Variants in ZCCHC17 observed in about 807,000 individuals in gnomAD.
ZCCHC17 encodes the protein zinc finger CCHC-type containing 17, also known as zinc finger CCHC domain-containing protein 17.
Under a neutral mutation model 30.6 loss-of-function variants are expected in ZCCHC17, and 18 were observed. The ratio of observed to expected loss-of-function variants is 0.59; its 90% CI spans 0.41 to 0.87. The LOEUF is 0.87. Among genes scored for constraint, ZCCHC17 ranks in the 40% least tolerant of loss-of-function variants. The probability of loss-of-function intolerance (pLI) is 0.00; values close to 1 mark genes in which losing one functional copy is unlikely to be tolerated. For missense variants in ZCCHC17, 263 were observed against 284.2 expected (o/e 0.93, Z 0.54); for synonymous variants, 88 against 92.4 (o/e 0.95, Z 0.27).
At chr1:31,353,403 A>C (rs2148475232) in intron 7 of ZCCHC17, among the ~76,000 whole-genome samples, 1 of 152,286 alleles carries the variant, frequency 6.6e-6, no homozygotes, top group East Asian at 1.9e-4. Context: ...AACATATAAC[A>C]TTTACCATCT....
intron 2 of ZCCHC17, chr1:31,318,152 C>T: frequency 6.5e-7 from 1 of 1,530,060 alleles, no homozygotes; most frequent in South Asian, 1.2e-5. Context: ...GTTTTATTTA[C>T]TCCCCTTGTT....
At chr1:31,313,485 G>A (rs909502196) in intron 2 of ZCCHC17, among the ~76,000 whole-genome samples, 1 of 152,230 alleles carries the variant, frequency 6.6e-6, no homozygotes, top group African/African-American at 2.4e-5. Context: ...AGGTCTTGGA[G>A]GGCAGACTTT....
intron 1 of ZCCHC17, among the ~76,000 whole-genome samples, chr1:31,302,488 A>G (rs1646340806): frequency 6.6e-6 from 1 of 152,208 alleles, no homozygotes; most frequent in Non-Finnish European, 1.5e-5. Context: ...GACGTTGCTC[A>G]TCCTAGCTCT....
At chr1:31,309,083 G>A (rs1385086140) in intron 1 of ZCCHC17, among the ~76,000 whole-genome samples, 1 of 151,888 alleles carries the variant, frequency 6.6e-6, no homozygotes, top group Admixed American at 6.6e-5. Context: ...AACTTTCACA[G>A]TGTGTATGTG....
intron 3 of ZCCHC17, among the ~76,000 whole-genome samples, chr1:31,330,105 T>C (rs1406609803): frequency 6.6e-6 from 1 of 152,216 alleles, no homozygotes; most frequent in African/African-American, 2.4e-5. Context: ...CCTTTTGTTT[T>C]GACATTTTTT....
At chr1:31,308,278 A>G (rs1047981006) in intron 1 of ZCCHC17, among the ~76,000 whole-genome samples, 2 of 152,252 alleles carry the variant, frequency 1.3e-5, no homozygotes, top group African/African-American at 4.8e-5. Flanking sequence ...CAAGTTTAGT[A>G]TAAGGATATA....
In ZCCHC17 at chr1:31,364,105, G is replaced by C; in HGVS notation, c.638G>C (p.Gly213Ala). 1 of 1,613,836 alleles carries C rather than the reference G, an allele frequency of 6.2e-7. No individual in the cohort carries two copies. The highest frequency in any genetic ancestry group is 8.5e-7 in the Non-Finnish European group (1 of 1,179,856). ...SDSSDSESDT[G>A]KRARHTSKDS... ...AGCTCAGACTCTGAGAGTGATACAG[G>C]CAAGAGGGCAAGGCACACATCAAAA... Residue 213 changes from glycine (G) to alanine (A), a missense_variant, in exon 8 of 8, where the codon GGC (glycine) becomes GCC (alanine). Gly to Ala is a moderately conservative substitution (Grantham distance 60). Transcript: ENST00000344147.
chr1:31,356,185 T>C (rs1361403455), intron 7 of ZCCHC17, among the ~76,000 whole-genome samples: 2 of 152,152 alleles, frequency 1.3e-5, no homozygotes, highest in African/African-American at 4.8e-5. Flanking sequence ...CGGCTAATCA[T>C]ATAAGGAGAA....
intron 2 of ZCCHC17, among the ~76,000 whole-genome samples, chr1:31,310,927 T>C (rs1452880026): frequency 2.0e-5 from 3 of 152,216 alleles, no homozygotes; most frequent in Admixed American, 2.0e-4. Context: ...GTCCTAATTA[T>C]ATCTCTGGTC....
chr1:31,300,801 T>C (rs1211210383), intron 1 of ZCCHC17, among the ~76,000 whole-genome samples: 4 of 151,794 alleles, frequency 2.6e-5, no homozygotes, highest in Non-Finnish European at 5.9e-5. Context: ...CTGGGCATGG[T>C]GGTGTGTGCC....
chr1:31,359,795 T>C (rs1639796820), intron 7 of ZCCHC17, among the ~76,000 whole-genome samples: 1 of 152,164 alleles, frequency 6.6e-6, no homozygotes, highest in African/African-American at 2.4e-5. Context: ...TCCTATGCCA[T>C]TTAAAAACTG....
chr1:31,297,369 C>G (rs1419536716), intron 1 of ZCCHC17, among the ~76,000 whole-genome samples: 1 of 152,232 alleles, frequency 6.6e-6, no homozygotes, highest in South Asian at 2.1e-4. Flanking sequence ...GTCCCAGCCT[C>G]CTCCGGTGCC....
At chr1:31,328,513 T>C (rs536458338) in intron 3 of ZCCHC17, among the ~76,000 whole-genome samples, 1 of 151,544 alleles carries the variant, frequency 6.6e-6, no homozygotes, top group South Asian at 2.1e-4. Flanking sequence ...GTCTCAAAAA[T>C]AAATAAATAA....
chr1:31,321,287 G>A (rs1386182668), intron 3 of ZCCHC17, among the ~76,000 whole-genome samples: 2 of 151,888 alleles, frequency 1.3e-5, no homozygotes, highest in East Asian at 1.9e-4. Flanking sequence ...ACCATCATTC[G>A]CTGGGCACTT....
intron 7 of ZCCHC17, among the ~76,000 whole-genome samples, chr1:31,355,954 TCA>T (rs2148478237): frequency 6.6e-6 from 1 of 152,282 alleles, no homozygotes; most frequent in Non-Finnish European, 1.5e-5. Context: ...GACACTTGTT[TCA>T]GGACTAGTCA....
chr1:31,307,441 G>C (rs188681348), intron 1 of ZCCHC17, among the ~76,000 whole-genome samples: 33 of 143,546 alleles, frequency 2.3e-4, no homozygotes, highest in African/African-American at 7.3e-4. Flanking sequence ...ATGGAATCTT[G>C]CTCTGTTGCC....
At chr1:31,322,165 C>T (rs919379666) in intron 3 of ZCCHC17, among the ~76,000 whole-genome samples, 1 of 152,194 alleles carries the variant, frequency 6.6e-6, no homozygotes, top group Non-Finnish European at 1.5e-5. Flanking sequence ...CCAACCAATT[C>T]TCCAGTTCTC....
chr1:31,324,467 A>G (rs113121422), intron 3 of ZCCHC17, among the ~76,000 whole-genome samples: 3,807 of 152,294 alleles, frequency 0.025, 154 homozygotes, highest in African/African-American at 0.086. Flanking sequence ...GCCGCCACCC[A>G]GCCCTGGCTG....
At chr1:31,309,099 AT>A (rs1355749151) in intron 1 of ZCCHC17, among the ~76,000 whole-genome samples, 8 of 151,978 alleles carry the variant, frequency 5.3e-5, no homozygotes, top group Non-Finnish European at 7.4e-5. Context: ...ATGTGTTTTA[AT>A]TTTATCAAGA....
Sources: gnomAD v4.1 joint callset for allele counts (sites outside exome capture counted in the v4.1 genomes callset) on GRCh38, gnomAD v4.1.1 for gene constraint, MANE v1.5 for transcripts, NCBI Gene and HGNC (gene_info 2026-07-23, HGNC 2026-07-21) for gene names.